Variants in INVS observed in about 807,000 individuals in gnomAD.
INVS encodes inversin, also known as inversion of embryo turning homolog.
INVS carries 86 observed loss-of-function variants against 108.8 expected under a neutral mutation model. The ratio of observed to expected loss-of-function variants is 0.79; its 90% confidence interval spans 0.66 to 0.95. The LOEUF is 0.95. Ranked by LOEUF, INVS falls within the 40% of genes least tolerant of loss-of-function variation. The pLI is 0.00. For synonymous variants in INVS, 455 were observed against 473.5 expected, an observed-to-expected ratio of 0.96 and a Z score of 0.51; for missense variants, 1,169 against 1,297.4, an observed-to-expected ratio of 0.90 and a Z score of 1.52.
intron 3 of INVS, among the ~76,000 whole-genome samples, chr9:100,181,203 C>G (rs1344267240): frequency 6.6e-6 from 1 of 152,152 alleles, no homozygotes; most frequent in Non-Finnish European, 1.5e-5. Flanking sequence ...GAAGCATTCC[C>G]TTTGAAAACT....
chr9:100,238,570 A>T (rs1400882835), intron 5 of INVS, among the ~76,000 whole-genome samples: 1 of 152,070 alleles, frequency 6.6e-6, no homozygotes, highest in Non-Finnish European at 1.5e-5. Context: ...GTCTCCAATT[A>T]TATATCTTTT....
At chr9:100,221,951 T>G (rs1831166378) in intron 3 of INVS, among the ~76,000 whole-genome samples, 1 of 152,204 alleles carries the variant, frequency 6.6e-6, no homozygotes, top group South Asian at 2.1e-4. Context: ...ATAGTATATA[T>G]AGAGGGTTTG....
At chr9:100,146,320 G>T (rs1275941884) in intron 3 of INVS, among the ~76,000 whole-genome samples, 1 of 152,158 alleles carries the variant, frequency 6.6e-6, no homozygotes, top group Non-Finnish European at 1.5e-5. Context: ...GGGTCACAAG[G>T]TGCTCAGTAG....
At chr9:100,119,072 A>G (rs956351985) in intron 2 of INVS, among the ~76,000 whole-genome samples, 2 of 152,184 alleles carry the variant, frequency 1.3e-5, no homozygotes, top group African/African-American at 4.8e-5. Flanking sequence ...AATCTGTTCT[A>G]TTGGTCTATA....
chr9:100,274,952 G>A (rs1833072001), intron 12 of INVS, among the ~76,000 whole-genome samples: 1 of 152,178 alleles, frequency 6.6e-6, no homozygotes, highest in African/African-American at 2.4e-5. Flanking sequence ...TAAGAGGCAA[G>A]ATAAGTCATT....
At chr9:100,264,104 TC>T (rs1832711972) in intron 10 of INVS, among the ~76,000 whole-genome samples, 1 of 152,214 alleles carries the variant, frequency 6.6e-6, no homozygotes. Flanking sequence ...GAAGTGTCCC[TC>T]TTTATGTCTA....
intron 5 of INVS, among the ~76,000 whole-genome samples, chr9:100,237,532 T>C (rs1831727233): frequency 6.6e-6 from 1 of 152,028 alleles, no homozygotes; most frequent in Admixed American, 6.6e-5. Flanking sequence ...CTAAAAACCG[T>C]GAAAAAAGTG....
chr9:100,211,162 AT>A (rs568090567), intron 3 of INVS, among the ~76,000 whole-genome samples: 194 of 152,246 alleles, frequency 1.3e-3, no homozygotes, highest in African/African-American at 4.6e-3. Context: ...CAAAAAAAAA[AT>A]GTTGTCCTTA....
chr9:100,269,682 T>C (rs1832893116), intron 11 of INVS, among the ~76,000 whole-genome samples: 1 of 152,238 alleles, frequency 6.6e-6, no homozygotes, highest in South Asian at 2.1e-4. Context: ...CATGCATCCA[T>C]ATAATCATCC....
intron 2 of INVS, chr9:100,116,646 G>A (rs1827540085): frequency 2.9e-6 from 1 of 342,506 alleles, no homozygotes; most frequent in Non-Finnish European, 5.1e-6. Flanking sequence ...ACAAAATCAG[G>A]AAGATTTTCA....
Position 100,301,139 on chromosome 9 carries a change from T to TCTCACACACACACACACACACACA in INVS, c.*466_*467insTCACACACACACACACACACACAC, listed in dbSNP as rs200314659. 7.2e-5 allele frequency: 12 copies of TCTCACACACACACACACACACACA among 167,484 alleles called. No homozygotes were observed. Among genetic ancestry groups the TCTCACACACACACACACACACACA allele is most frequent in the African/African-American group, 3.6e-4 (10 of 27,638 alleles). The allele number at this position is 167,484 out of a possible 1,614,324, so 10.4% of individuals were successfully genotyped here. A position where few individuals can be genotyped will look rare whatever the true frequency, so the allele number is the denominator to read the frequency against. On this transcript the variant is annotated 3_prime_UTR_variant, in exon 17 of 17. Coordinates refer to ENST00000262457, the MANE Select transcript of INVS (RefSeq NM_014425.5). ...CCTGGCATCTAATGCAACAAACTTA[T>TCTCACACACACACACACACACACA]CACACACACACACACACACACACAC...
intron 3 of INVS, among the ~76,000 whole-genome samples, chr9:100,179,938 T>C (rs1035566210): frequency 5.9e-5 from 9 of 151,776 alleles, no homozygotes; most frequent in African/African-American, 2.2e-4. Context: ...ATCGTAACAG[T>C]CTCTCAGACC....
At chr9:100,237,446 G>A (rs773828807) in intron 5 of INVS, among the ~76,000 whole-genome samples, 5 of 152,208 alleles carry the variant, frequency 3.3e-5, no homozygotes, top group South Asian at 2.1e-4. Context: ...CTGCCCAAAC[G>A]GCCACCCAGT....
rs186096244 is a variant in INVS, at chr9:100,130,446, A to G, written c.273+3897A>G. The G allele has an allele frequency of 9.2e-5, 14 of 152,288 alleles. No homozygotes were observed. In the East Asian group the frequency reaches 2.7e-3, roughly 29 times the overall value. 9.4% of individuals were successfully genotyped at this position (152,288 alleles called of 1,614,324 possible). On this transcript the variant is annotated intron_variant, in intron 3 of 16. Transcript: ENST00000262457. ...AATAGAGAGGAATTGGGTTTAAGAG[A>G]TACATTATGGAGGCAGAAGTGTTCA... is the stretch of plus-strand genomic sequence containing the variant.
chr9:100,221,148 G>A (rs550883620), intron 3 of INVS, among the ~76,000 whole-genome samples: 21 of 152,130 alleles, frequency 1.4e-4, no homozygotes, highest in African/African-American at 4.8e-4. Flanking sequence ...GGGTCCAAAG[G>A]GTCACACAAC....
In INVS at chr9:100,122,576, C is replaced by CTTTTTTTT. The variant is rs1161036698; in HGVS notation, c.107-3789_107-3782dup. Among the ~76,000 whole-genome samples, 36 of 57,518 alleles carry CTTTTTTTT rather than the reference C, an allele frequency of 6.3e-4. 4 individuals are homozygous for CTTTTTTTT. The highest frequency in any genetic ancestry group is 8.1e-4 in the Non-Finnish European group (26 of 31,954). The allele number at this position is 57,518 out of a possible 152,430, so 37.7% of individuals were successfully genotyped here. On this transcript the variant is annotated intron_variant, in intron 2 of 16. Transcript: ENST00000262457. ...ATGTTATTGTATTTTAAGTGAGTTT[C>CTTTTTTTT]TTTTTTTTTTTTTTTTTTTTTTTTT... is the stretch of plus-strand genomic sequence containing the variant.
intron 3 of INVS, chr9:100,129,798 A>G: frequency 1.7e-6 from 1 of 603,584 alleles, no homozygotes; most frequent in South Asian, 2.1e-5. Flanking sequence ...CCAAACTGGA[A>G]TGCAAAAGAA....
intron 3 of INVS, among the ~76,000 whole-genome samples, chr9:100,151,395 C>T (rs1828803357): frequency 6.6e-6 from 1 of 152,088 alleles, no homozygotes; most frequent in Admixed American, 6.5e-5. Flanking sequence ...GGGAGTATCA[C>T]TTGAGTCCAG....
chr9:100,281,834 A>G (rs1009179480), intron 12 of INVS, among the ~76,000 whole-genome samples: 1 of 151,398 alleles, frequency 6.6e-6, no homozygotes, highest in African/African-American at 2.4e-5. Context: ...CCTGTTCCTC[A>G]TGTGGCTGCC....
Sources: allele counts gnomAD v4.1 joint callset (sites outside exome capture counted in the v4.1 genomes callset), GRCh38; gene constraint gnomAD v4.1.1; transcripts MANE v1.5; gene names NCBI Gene and HGNC (gene_info 2026-07-23, HGNC 2026-07-21).